The following CDKL4 variants were observed in gnomAD, a reference collection of about 807,000 sequenced individuals.
CDKL4 encodes the protein cyclin-dependent kinase-like 4.
In CDKL4, 44 loss-of-function variants were observed where a neutral mutation model predicts 42.0. The ratio of observed to expected loss-of-function variants is 1.05; its 90% CI spans 0.82 to 1.35. The LOEUF is 1.35. CDKL4 is among the 40% of genes most tolerant of loss of function. The pLI, the probability that CDKL4 is intolerant of heterozygous loss-of-function variation, is 0.00. For missense variants in CDKL4, 393 were observed against 369.9 expected (o/e 1.06, Z -0.51); for synonymous variants, 120 against 121.6 (o/e 0.99, Z 0.09).
intron 5 of CDKL4, among the ~76,000 whole-genome samples, chr2:39,203,421 G>C (rs983664988): frequency 6.6e-6 from 1 of 151,864 alleles, no homozygotes; most frequent in African/African-American, 2.4e-5. Context: ...TGTGACAATT[G>C]GGTATTTTGG....
intron 2 of CDKL4, among the ~76,000 whole-genome samples, chr2:39,226,456 T>TAATATATATTA (rs1553393162): frequency 7.3e-6 from 1 of 137,440 alleles, no homozygotes; most frequent in Non-Finnish European, 1.5e-5. Context: ...TATATATATA[T>TAATATATATTA]TATATATATT....
At chr2:39,198,816 CT>C (rs1337984449) in intron 5 of CDKL4, among the ~76,000 whole-genome samples, 6 of 151,982 alleles carry the variant, frequency 3.9e-5, no homozygotes, top group Admixed American at 1.3e-4. Flanking sequence ...CTATCAAAAC[CT>C]CTGGGATACA....
chr2:39,197,399 A>G lies in CDKL4; in HGVS notation c.455-6897T>C, dbSNP rs564253146. On this transcript the variant is annotated intron_variant, in intron 5 of 9. Transcript: ENST00000451199. ...AAAAGAGAAATCTAAAAGTTTGGAA[A>G]ACATATTTGAGGGAATAATTGAGGA... 2.3e-3 allele frequency among the ~76,000 whole-genome samples: 348 copies of G among 152,284 alleles called. 1 individual carries two copies. The highest frequency in any genetic ancestry group is 4.2e-3 in the Non-Finnish European group (286 of 68,032).
intron 3 of CDKL4, among the ~76,000 whole-genome samples, chr2:39,219,587 A>C (rs1276039559): frequency 6.6e-6 from 1 of 151,826 alleles, no homozygotes; most frequent in Non-Finnish European, 1.5e-5. Context: ...CACCTGGCTA[A>C]TTTTTTGTAT....
chr2:39,211,155 C>T (rs953113676), intron 4 of CDKL4, among the ~76,000 whole-genome samples: 3 of 152,158 alleles, frequency 2.0e-5, no homozygotes, highest in African/African-American at 7.2e-5. Flanking sequence ...CACCTGTAAT[C>T]CTGGCACTTT....
chr2:39,205,236 T>C (rs7584676), intron 4 of CDKL4, among the ~76,000 whole-genome samples: 113,143 of 152,094 alleles, frequency 0.74, 46,014 homozygotes, highest in Non-Finnish European at 0.91. Context: ...CAATTATTTC[T>C]TTCACTTTTT....
At chr2:39,186,577 A>C (rs1675840195) in intron 7 of CDKL4, among the ~76,000 whole-genome samples, 1 of 152,238 alleles carries the variant, frequency 6.6e-6, no homozygotes, top group Non-Finnish European at 1.5e-5. Flanking sequence ...ATGTTTTCAA[A>C]TAAAGGCAAA....
At chr2:39,211,561 C>T (rs543541041) in intron 4 of CDKL4, among the ~76,000 whole-genome samples, 6 of 152,150 alleles carry the variant, frequency 3.9e-5, no homozygotes, top group African/African-American at 1.4e-4. Flanking sequence ...CAAAACTTGT[C>T]ATTGTTGCTA....
chr2:39,215,965 A>G (rs72921010), intron 3 of CDKL4, among the ~76,000 whole-genome samples: 5,172 of 152,216 alleles, frequency 0.034, 303 homozygotes, highest in African/African-American at 0.12. Flanking sequence ...TCCCCACTTC[A>G]CCTAGAGCCA....
the CDKL4 span, among the ~76,000 whole-genome samples, chr2:39,169,388 G>A: frequency 2.4e-3 from 367 of 152,230 alleles, no homozygotes; most frequent in African/African-American, 7.5e-3. Context: ...GGGTGTAGTC[G>A]TGTGTGTGTT....
At chr2:39,243,113 C>CAAAAAAAA (rs57132937) in intron 1 of CDKL4, among the ~76,000 whole-genome samples, 6 of 38,442 alleles carry the variant, frequency 1.6e-4, no homozygotes, top group Non-Finnish European at 1.6e-4. Context: ...GACCCTGTCT[C>CAAAAAAAA]AAAAAAAAAA....
At chr2:39,207,008 A>G (rs1393334766) in intron 4 of CDKL4, among the ~76,000 whole-genome samples, 1 of 152,134 alleles carries the variant, frequency 6.6e-6, no homozygotes, top group Non-Finnish European at 1.5e-5. Flanking sequence ...ATTACTGTCA[A>G]TTGCTTCATA....
At chr2:39,224,590 G>A (rs1401673881) in intron 3 of CDKL4, among the ~76,000 whole-genome samples, 2 of 141,398 alleles carry the variant, frequency 1.4e-5, no homozygotes, top group African/African-American at 2.7e-5. Flanking sequence ...TGCATCCTCC[G>A]CCTCCTGGGT....
chr2:39,213,539 A>T (rs1034570112), intron 3 of CDKL4, 67 bp from the exon 4 acceptor site: 3 of 1,061,600 alleles, frequency 2.8e-6, no homozygotes, highest in Non-Finnish European at 4.4e-6. Flanking sequence ...AGGGCTGGGA[A>T]TAGAAGTGGA....
At chr2:39,176,193 G>T in intron 9 of CDKL4, 97 bp from the exon 10 acceptor site, 1 of 356,448 alleles carries the variant, frequency 2.8e-6, no homozygotes. Context: ...AGATACTTAT[G>T]GTACAAAGAT....
At chr2:39,245,910 AG>A, upstream of CDKL4, among the ~76,000 whole-genome samples, 1 of 152,358 alleles carries the variant, frequency 6.6e-6, no homozygotes, top group South Asian at 2.1e-4. Flanking sequence ...CCTAAGAATC[AG>A]ACACAGGTTT....
At chr2:39,206,347 G>C (rs1164413031) in intron 4 of CDKL4, among the ~76,000 whole-genome samples, 2 of 152,188 alleles carry the variant, frequency 1.3e-5, no homozygotes, top group African/African-American at 4.8e-5. Context: ...CTCCCAAAGT[G>C]CTGGGATTAC....
At chr2:39,189,490 T>G (rs1215033606) in intron 6 of CDKL4, among the ~76,000 whole-genome samples, 1 of 152,222 alleles carries the variant, frequency 6.6e-6, no homozygotes, top group African/African-American at 2.4e-5. Flanking sequence ...GAAAGTAATT[T>G]GTAAATTCTT....
chr2:39,180,101 G>A (rs1675351096), intron 8 of CDKL4, among the ~76,000 whole-genome samples: 1 of 152,132 alleles, frequency 6.6e-6, no homozygotes, highest in Non-Finnish European at 1.5e-5. Flanking sequence ...CACAGATTAT[G>A]ATCCATAAAG....
Sources: gnomAD v4.1 joint callset for allele counts (sites outside exome capture counted in the v4.1 genomes callset) on GRCh38, gnomAD v4.1.1 for gene constraint, MANE v1.5 for transcripts, NCBI Gene and HGNC (gene_info 2026-07-23, HGNC 2026-07-21) for gene names.